LONP2: variants seen among roughly 807,000 people sequenced by gnomAD.
LONP2 encodes lon protease homolog 2, peroxisomal.
In LONP2, 60 loss-of-function variants were observed where a neutral mutation model predicts 85.6. The observed-to-expected ratio is 0.70, with a 90% CI of 0.57 to 0.87. The LOEUF is 0.87. Among genes scored for constraint, LONP2 ranks in the 40% least tolerant of loss-of-function variants. LONP2 has a pLI of 0.00. For synonymous variants in LONP2, 395 were observed against 389.7 expected, an observed-to-expected ratio of 1.01 and a Z score of -0.16; for missense variants, 860 against 1,063.5, an observed-to-expected ratio of 0.81 and a Z score of 2.66.
chr16:48,263,395 A>G (rs988465839), intron 6 of LONP2, among the ~76,000 whole-genome samples: 2 of 152,094 alleles, frequency 1.3e-5, no homozygotes, highest in South Asian at 2.1e-4. Flanking sequence ...CTCCATTTCT[A>G]TGAGTTTCAC....
rs148065079 is a variant in LONP2 at position 48,348,273 on chromosome 16, A to C, written c.2320A>C (p.Arg774=). The C allele has an allele frequency of 1.3e-4, 201 of 1,527,492 alleles. No homozygotes were observed. Among genetic ancestry groups the C allele is most frequent in the Middle Eastern group, 1.8e-4 (1 of 5,658 alleles). The allele number at this position is 1,527,492 out of a possible 1,614,324, so 94.6% of individuals were successfully genotyped here. A position where few individuals can be genotyped will look rare whatever the true frequency, so the allele number is the denominator to read the frequency against. Residue 774 remains arginine (R), a synonymous_variant, in exon 14 of 15, where the codon AGA becomes CGA. Coordinates refer to ENST00000285737, the MANE Select transcript of LONP2 (RefSeq NM_031490.5). Reference sequence around the variant, plus strand: ...AGCCATGACTGGAGAAATTACACTGAGAGGTCTTGTTCTTCCAGTAAGTAT... The same window carrying C: ...AGCCATGACTGGAGAAATTACACTGCGAGGTCTTGTTCTTCCAGTAAGTAT... ...DVAMTGEITL[R]GLVLPVGGIK...
chr16:48,262,954 A>G lies in LONP2; in HGVS notation c.982+82A>G, dbSNP rs1026172861. The G allele has an allele frequency of 5.8e-6, 5 of 859,726 alleles. No homozygotes were observed. The African/African-American group carries it at 6.9e-5, about 12-fold the overall frequency. 53.3% of individuals were successfully genotyped at this position (859,726 alleles called of 1,614,324 possible). On this transcript the variant is annotated intron_variant, in intron 6 of 14. Coordinates refer to ENST00000285737, the MANE Select transcript of LONP2 (RefSeq NM_031490.5). ...CAATTTTTCATTTCAAATTTACTCC[A>G]CTGATTGTCGTACTGTTAAATTATT...
chr16:48,311,413 T>C (rs1689786513), intron 11 of LONP2, among the ~76,000 whole-genome samples: 1 of 151,672 alleles, frequency 6.6e-6, no homozygotes, highest in Non-Finnish European at 1.5e-5. Flanking sequence ...CTTAAAGTTC[T>C]GAGGTTCTTT....
intron 11 of LONP2, among the ~76,000 whole-genome samples, chr16:48,316,110 C>T (rs867288643): frequency 3.6e-4 from 54 of 151,636 alleles, no homozygotes; most frequent in Non-Finnish European, 6.3e-4. Flanking sequence ...TGGATTCAAG[C>T]GATTCTGATG....
In LONP2 at chr16:48,262,810, A is replaced by G. The variant is rs1971905857; in HGVS notation, c.920A>G (p.Tyr307Cys). 9 of 1,612,266 alleles carry G rather than the reference A, an allele frequency of 5.6e-6. No homozygotes were observed. Among genetic ancestry groups the G allele is most frequent in the Non-Finnish European group, 6.8e-6 (8 of 1,179,114 alleles). ...AAAATGCCTCAGTCAATGCCAGAAT[A>G]TGCTCTGACTAGAAATTATTTGGAA... ...LKKMPQSMPEYALTRNYLELM... is the reference protein window; with the variant it reads ...LKKMPQSMPECALTRNYLELM... The change falls in exon 6 of 15, where the codon TAT becomes TGT. Residue 307 changes from tyrosine to cysteine, a missense_variant. By Grantham distance (194) the Tyr-to-Cys change is radical. Around this residue, in one of 3 missense-constraint regions of LONP2, gnomAD observed 743 missense variants for 917.3 expected, o/e 0.81. Coordinates refer to ENST00000285737, the MANE Select transcript of LONP2 (RefSeq NM_031490.5).
intron 9 of LONP2, 114 bp from the exon 10 acceptor site, chr16:48,299,548 C>G: frequency 8.7e-7 from 1 of 1,155,672 alleles, no homozygotes; most frequent in Non-Finnish European, 1.2e-6. Context: ...CGCCACTGCA[C>G]TGCAGCCTGG....
At chr16:48,262,727 G>A (rs781100659) in intron 5 of LONP2, 51 bp from the exon 6 acceptor site, 1 of 1,174,622 alleles carries the variant, frequency 8.5e-7, no homozygotes, top group Non-Finnish European at 1.2e-6. Flanking sequence ...TTTCTGTTAT[G>A]GAATTTTTCT....
intron 12 of LONP2, among the ~76,000 whole-genome samples, chr16:48,339,413 G>T (rs1028292209): frequency 2.6e-4 from 39 of 152,316 alleles, no homozygotes; most frequent in Admixed American, 1.0e-3. Context: ...GAGTGGTGGG[G>T]ATGGTAGAAA....
chr16:48,287,466 T>A (rs1315361301), intron 8 of LONP2, among the ~76,000 whole-genome samples: 1 of 152,274 alleles, frequency 6.6e-6, no homozygotes, highest in Non-Finnish European at 1.5e-5. Context: ...CTGGTTGTTT[T>A]TGGCAAATGT....
chr16:48,348,338 G>A, intron 14 of LONP2, 48 bp downstream of exon 14: 2 of 1,199,752 alleles, frequency 1.7e-6, no homozygotes, highest in Non-Finnish European at 2.2e-6. Flanking sequence ...TTTAATTTTT[G>A]AAAATTAATA....
chr16:48,271,572 T>A (rs1379961453), intron 7 of LONP2, among the ~76,000 whole-genome samples: 1 of 152,178 alleles, frequency 6.6e-6, no homozygotes, highest in Non-Finnish European at 1.5e-5. Context: ...TCACTTAAAA[T>A]TCTTACGCAT....
At chr16:48,287,291 C>T (rs1972465035) in intron 8 of LONP2, among the ~76,000 whole-genome samples, 1 of 152,226 alleles carries the variant, frequency 6.6e-6, no homozygotes, top group South Asian at 2.1e-4. Context: ...TTAGAGCCTG[C>T]ACATTCACAT....
chr16:48,303,070 C>G (rs2151001706), intron 10 of LONP2, 102 bp from the exon 11 acceptor site: 1 of 1,314,252 alleles, frequency 7.6e-7, no homozygotes, highest in East Asian at 2.5e-5. Context: ...GGGTAATGAA[C>G]TTTTAAATGT....
At position 48,338,498 on chromosome 16, in the gene LONP2, C is replaced by T. The variant is rs551559493; in HGVS notation, c.1938+4140C>T. Among the ~76,000 whole-genome samples the T allele has an allele frequency of 2.0e-4, 31 of 152,232 alleles. No homozygotes were observed. The South Asian group carries it at 6.2e-3, about 31-fold the overall frequency. On this transcript the variant is annotated intron_variant, in intron 12 of 14. Transcript: ENST00000285737. ...TCAAAAGGGACTTACAGGTTTCTGGCCAGAGTGACAGGGCATGTGTAGTAG... is the reference window on the plus strand; with the variant it reads ...TCAAAAGGGACTTACAGGTTTCTGGTCAGAGTGACAGGGCATGTGTAGTAG...
At chr16:48,266,104 A>G (rs1447668779) in intron 6 of LONP2, among the ~76,000 whole-genome samples, 1 of 151,998 alleles carries the variant, frequency 6.6e-6, no homozygotes, top group Non-Finnish European at 1.5e-5. Flanking sequence ...CCCAAGTTCA[A>G]GCGATTCTCC....
chr16:48,346,987 C>T (rs552992193), intron 12 of LONP2, among the ~76,000 whole-genome samples: 1 of 151,882 alleles, frequency 6.6e-6, no homozygotes, highest in South Asian at 2.1e-4. Context: ...CACATCTCTA[C>T]AAAAAATACA....
Position 48,256,603 on chromosome 16 carries a change from C to A in LONP2, c.469-7C>A. Reference sequence around the variant, plus strand: ...TTCATTTAAAAGACTTTTTTTCCCCCTTCTAGTTGGTTGAAATGTTGGATA... The same window carrying A: ...TTCATTTAAAAGACTTTTTTTCCCCATTCTAGTTGGTTGAAATGTTGGATA... On this transcript the variant is annotated splice_polypyrimidine_tract_variant and splice_region_variant and intron_variant, in intron 2 of 14. Transcript: ENST00000285737. 1 of 1,608,984 alleles carries A rather than the reference C, an allele frequency of 6.2e-7. No homozygotes were observed. Among genetic ancestry groups the A allele is most frequent in the South Asian group, 1.1e-5 (1 of 89,890 alleles).
downstream of LONP2, chr16:48,362,129 A>G (rs1960618903): frequency 1.9e-6 from 3 of 1,614,224 alleles, no homozygotes; most frequent in Non-Finnish European, 8.5e-7. The surrounding 1 kb of genome is among the most constrained non-coding windows in gnomAD (Gnocchi z 4.2). Context: ...CAGAAGACGC[A>G]TATTTACAGG....
chr16:48,280,937 C>A (rs771123482), intron 8 of LONP2, among the ~76,000 whole-genome samples: 74 of 152,210 alleles, frequency 4.9e-4, no homozygotes, highest in Non-Finnish European at 7.5e-4. Context: ...CTTCCATTGC[C>A]AGTAGGTTCA....
Sources: allele counts gnomAD v4.1 joint callset (sites outside exome capture counted in the v4.1 genomes callset), GRCh38; gene constraint gnomAD v4.1.1; regional missense constraint gnomAD v4.1.1; non-coding constraint Gnocchi (gnomAD v3.1); transcripts MANE v1.5; gene names NCBI Gene and HGNC (gene_info 2026-07-23, HGNC 2026-07-21).